PCCA: variants seen among roughly 807,000 people sequenced by gnomAD.
The protein encoded by PCCA is propionyl-CoA carboxylase subunit alpha.
In PCCA, 74 loss-of-function variants were observed where a neutral mutation model predicts 101.3. The ratio of observed to expected loss-of-function variants is 0.73; its 90% CI spans 0.61 to 0.89. PCCA has a LOEUF of 0.89. Ranked by LOEUF, PCCA falls within the 40% of genes least tolerant of loss-of-function variation. The probability of loss-of-function intolerance (pLI) is 0.00; values close to 1 mark genes in which losing one functional copy is unlikely to be tolerated. For missense variants in PCCA, 891 were observed against 907.0 expected, an observed-to-expected ratio of 0.98 and a Z score of 0.23; for synonymous variants, 294 against 313.6, an observed-to-expected ratio of 0.94 and a Z score of 0.66.
At chr13:100,513,941 CCT>C (rs919004674) in intron 21 of PCCA, among the ~76,000 whole-genome samples, 21 of 152,158 alleles carry the variant, frequency 1.4e-4, no homozygotes, top group Admixed American at 5.2e-4. Context: ...CAATTATAGT[CCT>C]CTCTGTCCCT....
Position 100,328,067 on chromosome 13 carries a change from T to TA in PCCA, c.1430-2489dup, listed in dbSNP as rs199560919. ...CAAAAACGTGTCTCTACAAAAAATA[T>TA]AAAAATTAGCTGGGTGGCCGGGTGC... On this transcript the variant is annotated intron_variant, in intron 16 of 23. Coordinates refer to ENST00000376285, the MANE Select transcript of PCCA (RefSeq NM_000282.4). Among the ~76,000 whole-genome samples, 1,342 of 152,132 alleles carry TA rather than the reference T, an allele frequency of 8.8e-3. 17 individuals are homozygous for TA. Among genetic ancestry groups the TA allele is most frequent in the African/African-American group, 0.03 (1,255 of 41,528 alleles).
In PCCA at chr13:100,477,976, G is replaced by A. The variant is rs186507829; in HGVS notation, c.1899+28671G>A. Among the ~76,000 whole-genome samples, 289 of 152,344 alleles carry A rather than the reference G, an allele frequency of 1.9e-3. 1 individual carries two copies. Among genetic ancestry groups the A allele is most frequent in the African/African-American group, 4.9e-3 (205 of 41,578 alleles). ...GGGCAGTACCCAGCCCTGCGCTGAC[G>A]GCCGCTCCAGGTTGTTGCTGGATGT... On this transcript the variant is annotated intron_variant, in intron 21 of 23. Coordinates refer to ENST00000376285, the MANE Select transcript of PCCA (RefSeq NM_000282.4).
intron 4 of PCCA, 143 bp from the exon 5 acceptor site, chr13:100,154,836 G>T: frequency 1.4e-6 from 1 of 690,488 alleles, no homozygotes; most frequent in Non-Finnish European, 2.6e-6. Flanking sequence ...TTGCATTGTT[G>T]CTTTTTAGTG....
chr13:100,354,134 G>A (rs1328696180), intron 18 of PCCA, among the ~76,000 whole-genome samples: 1 of 144,708 alleles, frequency 6.9e-6, no homozygotes, highest in Non-Finnish European at 1.5e-5. Context: ...TAATTCGCTG[G>A]GTGTGGTGGC....
At chr13:100,332,459 C>T (rs1353744608) in intron 17 of PCCA, among the ~76,000 whole-genome samples, 1 of 152,104 alleles carries the variant, frequency 6.6e-6, no homozygotes, top group Admixed American at 6.5e-5. Flanking sequence ...CAGGGAAAAA[C>T]TACAGAGAAC....
intron 21 of PCCA, among the ~76,000 whole-genome samples, chr13:100,474,891 G>T (rs537249461): frequency 3.3e-5 from 5 of 152,128 alleles, no homozygotes; most frequent in African/African-American, 1.2e-4. Flanking sequence ...TACAATTAAC[G>T]TATAATTCAC....
At chr13:100,302,738 G>A (rs1018883120) in intron 13 of PCCA, among the ~76,000 whole-genome samples, 186 bp from the exon 14 acceptor site, 1 of 152,044 alleles carries the variant, frequency 6.6e-6, no homozygotes, top group African/African-American at 2.4e-5. Context: ...TTACAGTTCT[G>A]TTTGATTTTT....
chr13:100,172,259 A>T (rs2055760453), intron 6 of PCCA, among the ~76,000 whole-genome samples: 1 of 151,978 alleles, frequency 6.6e-6, no homozygotes, highest in African/African-American at 2.4e-5. Flanking sequence ...TCTACACATG[A>T]GACAAACTTT....
At chr13:100,457,798 TGTG>T (rs1166375785) in intron 21 of PCCA, among the ~76,000 whole-genome samples, 6 of 152,214 alleles carry the variant, frequency 3.9e-5, no homozygotes, top group Non-Finnish European at 8.8e-5. Context: ...GGTAGTGATG[TGTG>T]TCACTTTTGG....
At chr13:100,329,930 G>T (rs114678032) in intron 16 of PCCA, among the ~76,000 whole-genome samples, 5 of 152,160 alleles carry the variant, frequency 3.3e-5, no homozygotes, top group Non-Finnish European at 7.3e-5. Flanking sequence ...TGCAGCTGGC[G>T]TTGGTCAACG....
chr13:100,304,450 A>C (rs1201926408), intron 14 of PCCA, among the ~76,000 whole-genome samples: 4 of 152,178 alleles, frequency 2.6e-5, no homozygotes, highest in African/African-American at 9.7e-5. Context: ...ATGTATCTCC[A>C]TGGTGATCAC....
intron 17 of PCCA, among the ~76,000 whole-genome samples, chr13:100,336,668 C>A (rs2070504459): frequency 6.6e-6 from 1 of 152,146 alleles, no homozygotes; most frequent in African/African-American, 2.4e-5. Flanking sequence ...AGATTGTGCT[C>A]TAGGCTCTGG....
intron 21 of PCCA, among the ~76,000 whole-genome samples, chr13:100,452,543 G>T (rs946983621): frequency 6.6e-6 from 1 of 152,050 alleles, no homozygotes; most frequent in East Asian, 1.9e-4. Flanking sequence ...ACTTTCTTCC[G>T]GTCTTTACTC....
intron 21 of PCCA, among the ~76,000 whole-genome samples, chr13:100,494,677 C>CA (rs11459166): frequency 0.32 from 46,609 of 143,508 alleles, 8,604 homozygotes; most frequent in African/African-American, 0.52. Context: ...GAGCAAAACT[C>CA]AAAAAAAAAA....
intron 21 of PCCA, among the ~76,000 whole-genome samples, chr13:100,470,110 GC>G (rs1343904779): frequency 6.6e-6 from 1 of 152,192 alleles, no homozygotes; most frequent in East Asian, 1.9e-4. Context: ...GGCCCATCAT[GC>G]TACCAAAAAT....
At chr13:100,273,116 A>G in intron 11 of PCCA, 80 bp from the exon 12 acceptor site, 1 of 1,045,132 alleles carries the variant, frequency 9.6e-7, no homozygotes, top group Non-Finnish European at 1.5e-6. Context: ...GTAAACTTTA[A>G]GAAAATGTTT....
intron 8 of PCCA, among the ~76,000 whole-genome samples, chr13:100,240,433 T>C (rs1295215046): frequency 6.6e-6 from 1 of 151,974 alleles, no homozygotes; most frequent in African/African-American, 2.4e-5. Context: ...AGACTCTTGC[T>C]GATATCTTCA....
At chr13:100,192,771 T>A (rs2057823900) in intron 6 of PCCA, among the ~76,000 whole-genome samples, 1 of 152,222 alleles carries the variant, frequency 6.6e-6, no homozygotes, top group Admixed American at 6.5e-5. Context: ...TTGCCCATGC[T>A]ACTTTTCCAA....
intron 16 of PCCA, among the ~76,000 whole-genome samples, chr13:100,319,817 G>A (rs1345730823): frequency 6.6e-6 from 1 of 152,118 alleles, no homozygotes; most frequent in Non-Finnish European, 1.5e-5. Flanking sequence ...TTGGCAATGT[G>A]GGCTCTTTTT....
Sources: allele counts gnomAD v4.1 joint callset (sites outside exome capture counted in the v4.1 genomes callset), GRCh38; gene constraint gnomAD v4.1.1; transcripts MANE v1.5; gene names NCBI Gene and HGNC (gene_info 2026-07-23, HGNC 2026-07-21).